The following UIMC1 variants were observed in gnomAD, a reference collection of about 807,000 sequenced individuals.
The protein encoded by UIMC1 is ubiquitin interaction motif containing 1.
UIMC1 carries 42 observed loss-of-function variants against 84.9 expected under a neutral mutation model. The observed-to-expected ratio is 0.49, with a 90% CI of 0.39 to 0.64. UIMC1 has a LOEUF of 0.64. Among genes scored for constraint, UIMC1 ranks in the 30% least tolerant of loss-of-function variants. UIMC1 has a pLI of 0.00. For missense variants in UIMC1, 825 were observed against 847.6 expected (o/e 0.97, Z 0.33); for synonymous variants, 281 against 293.0 (o/e 0.96, Z 0.42).
intron 1 of UIMC1, among the ~76,000 whole-genome samples, chr5:176,986,784 A>T (rs1392608468): frequency 1.3e-5 from 2 of 152,200 alleles, no homozygotes; most frequent in Non-Finnish European, 2.9e-5. Context: ...TGTCTGCTTT[A>T]ATCATTGAAC....
chr5:176,960,443 A>G (rs1044550680), intron 6 of UIMC1, among the ~76,000 whole-genome samples: 4 of 152,234 alleles, frequency 2.6e-5, no homozygotes, highest in African/African-American at 9.6e-5. Flanking sequence ...TAAAATTTAG[A>G]CTACCCAAAT....
Position 176,931,919 on chromosome 5 carries a change from G to A in UIMC1, c.1597+11416C>T, listed in dbSNP as rs559077247. 2.6e-3 allele frequency among the ~76,000 whole-genome samples: 400 copies of A among 152,310 alleles called. 1 individual carries two copies. Among genetic ancestry groups the A allele is most frequent in the Non-Finnish European group, 4.8e-3 (326 of 68,036 alleles). On this transcript the variant is annotated intron_variant, in intron 10 of 14. Coordinates refer to ENST00000511320, the MANE Select transcript of UIMC1 (RefSeq NM_001199298.2). ...ACCGAGGAGGCAGAGGTTGCAGTGA[G>A]CCGAGATCGCACCAATGCACTCCAG... is the stretch of plus-strand genomic sequence containing the variant.
intron 10 of UIMC1, among the ~76,000 whole-genome samples, chr5:176,935,638 C>T (rs1257817830): frequency 1.3e-5 from 2 of 152,130 alleles, no homozygotes; most frequent in Admixed American, 6.5e-5. Flanking sequence ...CCACAAAGGC[C>T]ACATTAATAT....
intron 6 of UIMC1, 73 bp downstream of exon 6, chr5:176,968,482 A>T (rs560821173): frequency 1.3e-6 from 2 of 1,521,136 alleles, no homozygotes; most frequent in African/African-American, 1.4e-5. Context: ...AGACCACAAA[A>T]ATAACAGCTA....
intron 6 of UIMC1, among the ~76,000 whole-genome samples, chr5:176,964,977 T>C (rs371582643): frequency 3.3e-5 from 5 of 152,296 alleles, no homozygotes; most frequent in Non-Finnish European, 5.9e-5. Context: ...TTGAGAGCTA[T>C]AGAATCAGTG....
chr5:176,976,453 C>A (rs762158710), intron 2 of UIMC1, among the ~76,000 whole-genome samples: 23 of 152,122 alleles, frequency 1.5e-4, no homozygotes, highest in Non-Finnish European at 5.9e-5. Context: ...CAAGTCAAAA[C>A]CACAATAAGG....
intron 10 of UIMC1, among the ~76,000 whole-genome samples, chr5:176,912,296 A>T (rs768379564): frequency 1.2e-4 from 18 of 152,212 alleles, no homozygotes; most frequent in Non-Finnish European, 2.4e-4. Flanking sequence ...GTCACAGGCT[A>T]TACATAAACA....
chr5:176,991,925 C>T (rs1282396905), intron 1 of UIMC1, among the ~76,000 whole-genome samples: 4 of 151,848 alleles, frequency 2.6e-5, no homozygotes, highest in Non-Finnish European at 5.9e-5. Flanking sequence ...GAGCGAGACT[C>T]CGTTTCAAAA....
At position 176,968,964 on chromosome 5, in the gene UIMC1, G is replaced by T; in HGVS notation, c.791C>A (p.Ala264Asp). The T allele has an allele frequency of 6.2e-7, 1 of 1,614,160 alleles. No homozygotes were observed. Among genetic ancestry groups the T allele is most frequent in the Non-Finnish European group, 8.5e-7 (1 of 1,180,028 alleles). ...GCCCCCAGTGTCCTGGAGACCTTTG[G>T]CATCTGCTAGGGTAGGTAGACAGTG... The part of the protein sequence containing the change: ...SRHCLPTLAD[A>D]KGLQDTGGTV... Residue 264 changes from alanine (A) to aspartate (D), a missense_variant, in exon 6 of 15, where the codon GCC becomes GAC. Ala to Asp is a moderately radical substitution (Grantham distance 126). Coordinates refer to ENST00000511320, the MANE Select transcript of UIMC1 (RefSeq NM_001199298.2).
intron 1 of UIMC1, among the ~76,000 whole-genome samples, chr5:176,986,186 C>A (rs1368434692): frequency 6.6e-6 from 1 of 151,304 alleles, no homozygotes; most frequent in Non-Finnish European, 1.5e-5. Flanking sequence ...ATGGTAAAAC[C>A]CCATCTCCAC....
At chr5:176,994,595 G>A (rs967832707) in intron 1 of UIMC1, among the ~76,000 whole-genome samples, 17 of 152,028 alleles carry the variant, frequency 1.1e-4, no homozygotes, top group South Asian at 4.2e-4. Flanking sequence ...AGACCAATGC[G>A]TGGAACAGGA....
chr5:176,967,862 C>T lies in UIMC1; in HGVS notation c.1200+693G>A, dbSNP rs1162212791. Reference sequence around the variant, plus strand: ...AGGCTGCAGGGACCCAAGATGGCATCGGTGCACTCTAGCCTGGGTGACAGA... The same window carrying T: ...AGGCTGCAGGGACCCAAGATGGCATTGGTGCACTCTAGCCTGGGTGACAGA... On this transcript the variant is annotated intron_variant, in intron 6 of 14. Coordinates refer to ENST00000511320, the MANE Select transcript of UIMC1 (RefSeq NM_001199298.2). Among the ~76,000 whole-genome samples the T allele has an allele frequency of 8.7e-5, 13 of 148,596 alleles. No individual in the cohort carries two copies. In the East Asian group the frequency reaches 1.2e-3, roughly 14 times the overall value.
chr5:176,915,496 C>T (rs984049335), intron 10 of UIMC1, among the ~76,000 whole-genome samples: 1 of 150,448 alleles, frequency 6.6e-6, no homozygotes, highest in Non-Finnish European at 1.5e-5. Flanking sequence ...ACTCTTATCA[C>T]CCAGGCTGGA....
chr5:176,928,390 T>A (rs1164548599), intron 10 of UIMC1, among the ~76,000 whole-genome samples: 2 of 152,164 alleles, frequency 1.3e-5, no homozygotes, highest in Non-Finnish European at 2.9e-5. Context: ...AATACTATAT[T>A]AGATACTATG....
At chr5:176,971,126 T>C (rs1025580191) in intron 3 of UIMC1, among the ~76,000 whole-genome samples, 2 of 152,350 alleles carry the variant, frequency 1.3e-5, no homozygotes, top group African/African-American at 4.8e-5. Context: ...TGTTCACTGT[T>C]ATACCTCCAG....
In UIMC1 at chr5:176,951,596, A is replaced by T. The variant is rs1561809890; in HGVS notation, c.1340-19T>A. ...TGGGTCTCTGTAATTTAAAAAAGTT[A>T]AAATCCCATTAATTTTCATTTTGTG... On this transcript the variant is annotated intron_variant, in intron 8 of 14. Coordinates refer to ENST00000511320, the MANE Select transcript of UIMC1 (RefSeq NM_001199298.2). The T allele has an allele frequency of 2.6e-6, 4 of 1,523,542 alleles. No homozygotes were observed. The highest frequency in any genetic ancestry group is 2.6e-6 in the Non-Finnish European group (3 of 1,134,982). The allele number at this position is 1,523,542 out of a possible 1,614,324, so 94.4% of individuals were successfully genotyped here. A position where few individuals can be genotyped will look rare whatever the true frequency, so the allele number is the denominator to read the frequency against.
chr5:177,013,272 A>G (rs550635684), intron 1 of UIMC1, among the ~76,000 whole-genome samples: 1 of 151,396 alleles, frequency 6.6e-6, no homozygotes, highest in African/African-American at 2.4e-5. Flanking sequence ...GAGGCAGGAG[A>G]ATCGCTTGAA....
chr5:176,935,843 TAAG>T (rs1483388580), intron 10 of UIMC1, among the ~76,000 whole-genome samples: 1 of 152,170 alleles, frequency 6.6e-6, no homozygotes, highest in Non-Finnish European at 1.5e-5. Flanking sequence ...ATATCTATAA[TAAG>T]AATTCCTACC....
At chr5:176,977,582 C>CAAAAAAAAAAAAAAAAAA (rs1270486136) in intron 2 of UIMC1, among the ~76,000 whole-genome samples, 7 of 47,774 alleles carry the variant, frequency 1.5e-4, no homozygotes, top group Non-Finnish European at 2.0e-4. Context: ...GACTCCATCT[C>CAAAAAAAAAAAAAAAAAA]AAAAAAAAAA....
Sources: gnomAD v4.1 joint callset for allele counts (sites outside exome capture counted in the v4.1 genomes callset) on GRCh38, gnomAD v4.1.1 for gene constraint, MANE v1.5 for transcripts, NCBI Gene and HGNC (gene_info 2026-07-23, HGNC 2026-07-21) for gene names.